ARHGEF4: variants seen among roughly 807,000 people sequenced by gnomAD.
ARHGEF4 encodes the protein Rho guanine nucleotide exchange factor 4, also known as APC-stimulated guanine nucleotide exchange factor 1.
A neutral mutation model predicts 162.0 loss-of-function variants in ARHGEF4; 119 were observed. That is an observed-to-expected ratio of 0.73 (90% CI 0.63 to 0.86). The LOEUF (loss-of-function observed/expected upper bound fraction) is 0.86, where lower values mean the gene tolerates loss of function less well. ARHGEF4 is among the 40% of genes least tolerant of loss of function. The pLI is 0.00. For missense variants in ARHGEF4, 2,488 were observed against 2,456.0 expected (o/e 1.01, Z -0.28); for synonymous variants, 1,014 against 979.9 (o/e 1.03, Z -0.65).
At position 130,871,544 on chromosome 2, in the gene ARHGEF4, TA is replaced by T. The variant is rs1678488671; in HGVS notation, c.39+34553del. ...AGAGCAAAACTCCGTCTCAAAAAAATATATATATATACATATATATATACAC... is the reference window on the plus strand; with the variant it reads ...AGAGCAAAACTCCGTCTCAAAAAAATTATATATATACATATATATATACAC... On this transcript the variant is annotated intron_variant, in intron 1 of 13. Transcript: ENST00000409359. Among the ~76,000 whole-genome samples, 7 of 149,118 alleles carry T rather than the reference TA, an allele frequency of 4.7e-5. 1 individual carries two copies. The South Asian group carries it at 1.5e-3, about 31-fold the overall frequency.
rs377394342 is a variant in ARHGEF4, at chr2:130,964,853, C to T, written c.3985+18218C>T. On this transcript the variant is annotated intron_variant, in intron 4 of 13. Transcript: ENST00000409359. ...GGACCGTGTGATCCCTGTAGTGCTCCCGAATCTACCTGGAGGGCCTAATTT... is the reference window on the plus strand; with the variant it reads ...GGACCGTGTGATCCCTGTAGTGCTCTCGAATCTACCTGGAGGGCCTAATTT... 3.9e-5 allele frequency among the ~76,000 whole-genome samples: 6 copies of T among 152,300 alleles called. No homozygotes were observed. The East Asian group carries it at 1.2e-3, about 29-fold the overall frequency.
chr2:130,929,329 T>C (rs1322028746), intron 2 of ARHGEF4, among the ~76,000 whole-genome samples: 2 of 152,178 alleles, frequency 1.3e-5, no homozygotes, highest in African/African-American at 4.8e-5. Flanking sequence ...CCCAAAACCA[T>C]TATGTAATAA....
intron 1 of ARHGEF4, among the ~76,000 whole-genome samples, chr2:130,885,349 C>T (rs1679443965): frequency 6.6e-6 from 1 of 152,026 alleles, no homozygotes; most frequent in South Asian, 2.1e-4. Context: ...ATGTTTTTAG[C>T]TTAGTATGTG....
chr2:131,040,285 C>G lies in ARHGEF4; in HGVS notation c.4507C>G (p.Arg1503Gly), dbSNP rs1690697315. ...CEGYVRQCRK[R>G]ADMFSEEQLR... Reference sequence around the variant, plus strand: ...GGGCTACGTCCGGCAGTGCCGCAAGCGCGCAGACATGTTCAGCGAGGAGCA... The same window carrying G: ...GGGCTACGTCCGGCAGTGCCGCAAGGGCGCAGACATGTTCAGCGAGGAGCA... Residue 1503 changes from arginine (R) to glycine (G), a missense_variant, in exon 8 of 14, where the codon CGC becomes GGC. By Grantham distance (125) the Arg-to-Gly change is moderately radical (BLOSUM62 -2). Around this residue, in one of 6 missense-constraint regions of ARHGEF4, gnomAD observed 415 missense variants for 512.4 expected, o/e 0.81. Coordinates refer to ENST00000409359, the MANE Select transcript of ARHGEF4 (RefSeq NM_001367493.1). 6.2e-7 allele frequency: 1 copy of G among 1,612,832 alleles called. No individual in the cohort carries two copies. Among genetic ancestry groups the G allele is most frequent in the African/African-American group, 1.3e-5 (1 of 74,920 alleles).
chr2:130,919,004 A>G (rs1041189895), intron 2 of ARHGEF4, among the ~76,000 whole-genome samples: 12 of 152,240 alleles, frequency 7.9e-5, no homozygotes, highest in Non-Finnish European at 1.6e-4. Context: ...GTTCTCACAC[A>G]GGGCTTATGG....
intron 4 of ARHGEF4, among the ~76,000 whole-genome samples, chr2:130,998,071 CT>C (rs902975669): frequency 1.3e-5 from 2 of 152,184 alleles, no homozygotes; most frequent in African/African-American, 4.8e-5. Flanking sequence ...TCAGAGACCC[CT>C]TCTTTCACCA....
At chr2:130,902,496 T>C (rs76488592) in intron 1 of ARHGEF4, among the ~76,000 whole-genome samples, 3,761 of 151,830 alleles carry the variant, frequency 0.025, 193 homozygotes, top group East Asian at 0.2. Flanking sequence ...CGGGAGGCTG[T>C]GGTGGGAGAA....
At chr2:130,986,536 G>A (rs1686512060) in intron 4 of ARHGEF4, among the ~76,000 whole-genome samples, 1 of 152,194 alleles carries the variant, frequency 6.6e-6, no homozygotes, top group South Asian at 2.1e-4. Context: ...GCAGGGAAGA[G>A]GCCCTGTGCT....
At chr2:131,005,926 A>G (rs557616236) in intron 4 of ARHGEF4, among the ~76,000 whole-genome samples, 1 of 152,348 alleles carries the variant, frequency 6.6e-6, no homozygotes, top group East Asian at 1.9e-4. Flanking sequence ...GAGGTTGCTA[A>G]TGAGCTGACC....
chr2:130,968,268 C>G (rs1456595788), intron 4 of ARHGEF4, among the ~76,000 whole-genome samples: 1 of 152,182 alleles, frequency 6.6e-6, no homozygotes, highest in East Asian at 1.9e-4. Flanking sequence ...AGTGTTTAAA[C>G]ATCCCCAAGC....
intron 3 of ARHGEF4, among the ~76,000 whole-genome samples, chr2:130,934,217 A>G (rs1682804492): frequency 6.6e-6 from 1 of 152,036 alleles, no homozygotes; most frequent in South Asian, 2.1e-4. Context: ...TTGACCTATT[A>G]ATGTGGTATA....
chr2:131,040,793 C>T (rs1226915153), intron 8 of ARHGEF4, among the ~76,000 whole-genome samples: 1 of 152,172 alleles, frequency 6.6e-6, no homozygotes, highest in African/African-American at 2.4e-5. Context: ...CCTGCTTAGG[C>T]GGCAGATGCC....
intron 2 of ARHGEF4, among the ~76,000 whole-genome samples, chr2:130,930,243 G>A (rs1270610338): frequency 6.6e-6 from 1 of 152,136 alleles, no homozygotes; most frequent in Non-Finnish European, 1.5e-5. Flanking sequence ...AGAGTGCTTG[G>A]GGATGCCATT....
At chr2:130,973,725 G>A (rs1039900279) in intron 4 of ARHGEF4, among the ~76,000 whole-genome samples, 5 of 151,926 alleles carry the variant, frequency 3.3e-5, no homozygotes, top group Non-Finnish European at 5.9e-5. Flanking sequence ...CTTCCAATTC[G>A]ACAGCTCTTC....
chr2:130,908,458 C>A (rs1017482544), intron 1 of ARHGEF4, among the ~76,000 whole-genome samples: 4 of 152,082 alleles, frequency 2.6e-5, no homozygotes, highest in African/African-American at 9.7e-5. Flanking sequence ...GGGTGGATCA[C>A]GAGGTCAGGA....
At chr2:131,011,869 TG>T (rs1558848529) in intron 4 of ARHGEF4, 2 of 706,170 alleles carry the variant, frequency 2.8e-6, no homozygotes, top group Non-Finnish European at 5.2e-6. Context: ...CCGTGAAGTG[TG>T]GGGGCGGCGG....
chr2:130,884,867 CTT>C (rs1353629698), intron 1 of ARHGEF4, among the ~76,000 whole-genome samples: 1 of 152,058 alleles, frequency 6.6e-6, no homozygotes, highest in Non-Finnish European at 1.5e-5. Context: ...GCTGAGGACT[CTT>C]CAGGATCTGT....
At chr2:130,962,594 T>G (rs1189383365) in intron 4 of ARHGEF4, among the ~76,000 whole-genome samples, 5 of 152,036 alleles carry the variant, frequency 3.3e-5, no homozygotes, top group Admixed American at 3.3e-4. Context: ...GGAGCACATA[T>G]AGCTTCCGGA....
intron 4 of ARHGEF4, among the ~76,000 whole-genome samples, chr2:130,961,547 C>G (rs1684618899): frequency 6.6e-6 from 1 of 152,080 alleles, no homozygotes; most frequent in Non-Finnish European, 1.5e-5. Context: ...CATGCAGCAT[C>G]CCCCAGGTCT....
Sources: gnomAD v4.1 joint callset for allele counts (sites outside exome capture counted in the v4.1 genomes callset) on GRCh38, gnomAD v4.1.1 for gene constraint, gnomAD v4.1.1 regional missense constraint, MANE v1.5 for transcripts, NCBI Gene and HGNC (gene_info 2026-07-23, HGNC 2026-07-21) for gene names.